Variants in DAB1 observed in about 807,000 individuals in gnomAD.
The protein encoded by DAB1 is DAB adaptor protein 1, also known as disabled homolog 1.
Under a neutral mutation model 64.6 loss-of-function variants are expected in DAB1, and 15 were observed. The ratio of observed to expected loss-of-function variants is 0.23; its 90% CI spans 0.16 to 0.36. The LOEUF (loss-of-function observed/expected upper bound fraction) is 0.36, where lower values mean the gene tolerates loss of function less well. Among genes scored for constraint, DAB1 ranks in the 10% least tolerant of loss-of-function variants. The pLI, the probability that DAB1 is intolerant of heterozygous loss-of-function variation, is 1.00. For synonymous variants in DAB1, 235 were observed against 251.9 expected, an observed-to-expected ratio of 0.93 and a Z score of 0.64; for missense variants, 596 against 706.7, an observed-to-expected ratio of 0.84 and a Z score of 1.78.
At chr1:57,904,684 G>T (rs11811755) in intron 5 of DAB1, among the ~76,000 whole-genome samples, 4 of 152,144 alleles carry the variant, frequency 2.6e-5, no homozygotes, top group Admixed American at 2.6e-4. Context: ...GGCAGAGTAT[G>T]CCAGGCAGAG....
At chr1:58,140,690 T>G (rs1309599565) in intron 5 of DAB1, among the ~76,000 whole-genome samples, 5 of 152,184 alleles carry the variant, frequency 3.3e-5, no homozygotes, top group Admixed American at 3.3e-4. Flanking sequence ...TCATTTTGTT[T>G]TGTTCTGTTT....
chr1:57,695,376 GAAAGAAAGAAAGAAAGAAAGA>G (rs1646824423), intron 6 of DAB1, among the ~76,000 whole-genome samples: 1 of 62,284 alleles, frequency 1.6e-5, no homozygotes, highest in Non-Finnish European at 3.1e-5. Context: ...AAGAAAGAAA[GAAAGAAAGAAAGAAAGAAAGA>G]AAGAAAGAAA....
chr1:57,381,744 C>A (rs373087592), intron 1 of DAB1, among the ~76,000 whole-genome samples: 4 of 152,184 alleles, frequency 2.6e-5, no homozygotes, highest in African/African-American at 9.7e-5. Flanking sequence ...ACAATCAATT[C>A]TCTAAGAATA....
At chr1:57,491,985 C>T (rs2691466) in intron 7 of DAB1, among the ~76,000 whole-genome samples, 96,700 of 151,488 alleles carry the variant, frequency 0.64, 31,095 homozygotes, top group African/African-American at 0.67. Context: ...ATGTGACTGA[C>T]ACATTCGGCT....
chr1:58,532,522 A>AT (rs1557456291), intron 1 of DAB1, among the ~76,000 whole-genome samples: 3 of 151,932 alleles, frequency 2.0e-5, no homozygotes, highest in Non-Finnish European at 4.4e-5. Context: ...AGAAAAAAAG[A>AT]TTTTTTTTCT....
chr1:57,663,982 C>T (rs1427531427), intron 6 of DAB1, among the ~76,000 whole-genome samples: 1 of 152,142 alleles, frequency 6.6e-6, no homozygotes, highest in African/African-American at 2.4e-5. Context: ...AAGCAGGCAA[C>T]ATGGAGGTAA....
At chr1:57,441,595 C>T (rs1685964197) in intron 7 of DAB1, among the ~76,000 whole-genome samples, 1 of 152,080 alleles carries the variant, frequency 6.6e-6, no homozygotes, top group African/African-American at 2.4e-5. Flanking sequence ...CTTAAGCAAT[C>T]TGCCTGCCAC....
chr1:57,677,301 A>G (rs192456668), intron 6 of DAB1, among the ~76,000 whole-genome samples: 27 of 152,210 alleles, frequency 1.8e-4, no homozygotes, highest in Non-Finnish European at 3.4e-4. Context: ...GCCCAAGTGG[A>G]CTAATACAGT....
At chr1:58,013,160 T>G (rs1290781791) in intron 5 of DAB1, among the ~76,000 whole-genome samples, 2 of 152,184 alleles carry the variant, frequency 1.3e-5, no homozygotes, top group African/African-American at 4.8e-5. Flanking sequence ...GGTATTAAGC[T>G]ATTGAGATTT....
chr1:58,128,423 C>T (rs1418410820), intron 5 of DAB1, among the ~76,000 whole-genome samples: 2 of 135,460 alleles, frequency 1.5e-5, no homozygotes, highest in Non-Finnish European at 3.1e-5. Flanking sequence ...AATTTGACTT[C>T]CTCTTTTCCT....
intron 4 of DAB1, among the ~76,000 whole-genome samples, chr1:57,076,609 G>A (rs1215775964): frequency 1.3e-5 from 2 of 152,166 alleles, no homozygotes; most frequent in African/African-American, 4.8e-5. Flanking sequence ...CTCTCCCTTT[G>A]AATTTTGTGC....
intron 5 of DAB1, among the ~76,000 whole-genome samples, chr1:58,077,551 T>C (rs549152104): frequency 2.0e-5 from 3 of 152,288 alleles, no homozygotes; most frequent in African/African-American, 7.2e-5. Flanking sequence ...AAAGCTTGCA[T>C]TGACAATCTT....
At chr1:57,553,119 C>T (rs1431783878) in intron 7 of DAB1, among the ~76,000 whole-genome samples, 5 of 151,624 alleles carry the variant, frequency 3.3e-5, no homozygotes, top group African/African-American at 9.7e-5. Flanking sequence ...AGTAAATGGT[C>T]AAGGTTTGCT....
At chr1:57,348,883 T>G (rs941281888) in intron 1 of DAB1, among the ~76,000 whole-genome samples, 12 of 152,146 alleles carry the variant, frequency 7.9e-5, no homozygotes, top group Admixed American at 7.2e-4. Flanking sequence ...AAGCCATATG[T>G]GCCCTTGACC....
intron 4 of DAB1, among the ~76,000 whole-genome samples, chr1:57,115,441 T>C (rs994692644): frequency 4.5e-4 from 68 of 152,336 alleles, no homozygotes; most frequent in African/African-American, 1.6e-3. Flanking sequence ...CAGCCCAGTC[T>C]GAAAGCTTTG....
intron 2 of DAB1, among the ~76,000 whole-genome samples, chr1:57,198,344 T>G (rs1175582769): frequency 1.4e-4 from 21 of 152,100 alleles, no homozygotes; most frequent in Admixed American, 1.4e-3. Flanking sequence ...AAGAGAAACA[T>G]AGTCCTAGAG....
In DAB1 at chr1:57,277,960, G is replaced by A. The variant is rs796891691; in HGVS notation, c.67+13004C>T. ...TATTGCCAGCCAGGGAAAGCTGAAA[G>A]ACTCAAGTGATGATAGTCCCAAATT... On this transcript the variant is annotated intron_variant, in intron 2 of 14. Coordinates refer to ENST00000371236, the MANE Select transcript of DAB1 (RefSeq NM_001365792.1). 2.0e-3 allele frequency among the ~76,000 whole-genome samples: 301 copies of A among 152,318 alleles called. 1 individual carries two copies. Among genetic ancestry groups the A allele is most frequent in the African/African-American group, 7.1e-3 (294 of 41,572 alleles).
chr1:58,238,775 T>A (rs1660159312), intron 4 of DAB1, among the ~76,000 whole-genome samples: 1 of 152,182 alleles, frequency 6.6e-6, no homozygotes, highest in Non-Finnish European at 1.5e-5. Flanking sequence ...TTTGTATGGC[T>A]ATAGCAGACA....
At chr1:58,127,097 T>C (rs1416154922) in intron 5 of DAB1, among the ~76,000 whole-genome samples, 2 of 150,752 alleles carry the variant, frequency 1.3e-5, no homozygotes, top group Admixed American at 6.6e-5. Context: ...TGTTCCTATT[T>C]TTCCACATCC....
Sources: gnomAD v4.1 joint callset for allele counts (sites outside exome capture counted in the v4.1 genomes callset) on GRCh38, gnomAD v4.1.1 for gene constraint, MANE v1.5 for transcripts, NCBI Gene and HGNC (gene_info 2026-07-23, HGNC 2026-07-21) for gene names.